Variants in ZPBP observed in about 807,000 individuals in gnomAD.
ZPBP encodes zona pellucida-binding protein 1.
Under a neutral mutation model 44.8 loss-of-function variants are expected in ZPBP, and 26 were observed. That is an observed-to-expected ratio of 0.58 (90% CI 0.43 to 0.81). ZPBP has a LOEUF of 0.81. ZPBP is among the 30% of genes least tolerant of loss of function. The probability of loss-of-function intolerance (pLI) is 0.00; values close to 1 mark genes in which losing one functional copy is unlikely to be tolerated. For missense variants in ZPBP, 409 were observed against 434.0 expected, an observed-to-expected ratio of 0.94 and a Z score of 0.51; for synonymous variants, 174 against 153.2, an observed-to-expected ratio of 1.14 and a Z score of -1.00.
At chr7:49,979,757 A>C (rs1334582347) in intron 7 of ZPBP, among the ~76,000 whole-genome samples, 3 of 142,428 alleles carry the variant, frequency 2.1e-5, no homozygotes, top group Non-Finnish European at 4.5e-5. Flanking sequence ...CTTAACTACT[A>C]TGTTCCAGTT....
At chr7:49,987,508 A>G (rs1797348099) in intron 6 of ZPBP, among the ~76,000 whole-genome samples, 2 of 152,148 alleles carry the variant, frequency 1.3e-5, no homozygotes, top group South Asian at 2.1e-4. Flanking sequence ...AAGGAGTCCT[A>G]GGAATTAGAG....
intron 4 of ZPBP, among the ~76,000 whole-genome samples, chr7:50,054,205 A>G (rs933338896): frequency 3.3e-5 from 5 of 152,184 alleles, no homozygotes; most frequent in African/African-American, 1.2e-4. Flanking sequence ...TAGAAAACAA[A>G]ACAAAACAAA....
At chr7:50,011,866 G>A (rs990903369) in intron 6 of ZPBP, among the ~76,000 whole-genome samples, 3 of 151,704 alleles carry the variant, frequency 2.0e-5, no homozygotes, top group South Asian at 2.1e-4. Flanking sequence ...CCTGACCAAC[G>A]TGGTAAAACC....
At chr7:49,951,385 C>A (rs1017609188) in intron 7 of ZPBP, among the ~76,000 whole-genome samples, 2 of 151,490 alleles carry the variant, frequency 1.3e-5, no homozygotes, top group Non-Finnish European at 3.0e-5. Flanking sequence ...CAAGTAGAAA[C>A]ACTGGCAGAG....
intron 7 of ZPBP, among the ~76,000 whole-genome samples, chr7:49,983,011 T>C (rs1275793470): frequency 6.6e-6 from 1 of 152,018 alleles, no homozygotes; most frequent in Non-Finnish European, 1.5e-5. Flanking sequence ...AAACCTAAAC[T>C]CATCAATAGT....
intron 2 of ZPBP, among the ~76,000 whole-genome samples, chr7:49,852,087 A>G (rs1037883506): frequency 2.0e-5 from 3 of 152,252 alleles, no homozygotes; most frequent in Non-Finnish European, 2.9e-5. Flanking sequence ...GGAGCCCGAC[A>G]GAGGCCAGCA....
At chr7:50,056,634 T>A (rs778971466) in intron 4 of ZPBP, among the ~76,000 whole-genome samples, 8 of 152,192 alleles carry the variant, frequency 5.3e-5, no homozygotes, top group Non-Finnish European at 1.2e-4. Context: ...ACTAGCAACT[T>A]GAGTTCAGGC....
At chr7:49,904,852 C>T (rs1366414136) in intron 1 of ZPBP, among the ~76,000 whole-genome samples, 2 of 151,150 alleles carry the variant, frequency 1.3e-5, no homozygotes, top group Non-Finnish European at 2.9e-5. Context: ...TCTCCTGCCT[C>T]AGCCTCCCAA....
chr7:49,899,969 C>T (rs1316945204), intron 2 of ZPBP, among the ~76,000 whole-genome samples: 1 of 151,782 alleles, frequency 6.6e-6, no homozygotes, highest in Non-Finnish European at 1.5e-5. Flanking sequence ...CATACAATAG[C>T]TGCTCTCAGA....
intron 1 of ZPBP, 115 bp downstream of exon 1, chr7:50,092,945 CGTATTAGT>C: frequency 7.3e-7 from 1 of 1,369,132 alleles, no homozygotes; most frequent in African/African-American, 1.5e-5. Flanking sequence ...TTTCTTGTCA[CGTATTAGT>C]GAGCAAGGTG....
chr7:49,938,221 T>C (rs1484689782), intron 7 of ZPBP, among the ~76,000 whole-genome samples: 1 of 151,994 alleles, frequency 6.6e-6, no homozygotes, highest in East Asian at 1.9e-4. Context: ...CTGTGTATTT[T>C]AGGTGGAAAG....
At chr7:50,052,394 A>G (rs1013098266) in intron 4 of ZPBP, among the ~76,000 whole-genome samples, 1 of 152,194 alleles carries the variant, frequency 6.6e-6, no homozygotes, top group Non-Finnish European at 1.5e-5. Flanking sequence ...TTAAAACCAC[A>G]ATGAAATATT....
intron 7 of ZPBP, among the ~76,000 whole-genome samples, chr7:49,957,399 T>G (rs141489757): frequency 3.9e-5 from 6 of 152,084 alleles, no homozygotes; most frequent in African/African-American, 1.4e-4. Flanking sequence ...GAAGGAAATA[T>G]GTGAAAAGAG....
chr7:49,938,558 TCA>T (rs1794714034), intron 7 of ZPBP, among the ~76,000 whole-genome samples: 1 of 152,112 alleles, frequency 6.6e-6, no homozygotes, highest in Non-Finnish European at 1.5e-5. Context: ...TATTAAAAAA[TCA>T]CACAGTGTAT....
At chr7:49,930,075 T>C (rs1794394315) in intron 1 of ZPBP, among the ~76,000 whole-genome samples, 1 of 152,220 alleles carries the variant, frequency 6.6e-6, no homozygotes, top group African/African-American at 2.4e-5. Context: ...TTTTTCATTT[T>C]TATGTTTCTT....
intron 1 of ZPBP, among the ~76,000 whole-genome samples, chr7:49,925,673 C>T (rs1332119938): frequency 6.6e-6 from 1 of 152,222 alleles, no homozygotes; most frequent in African/African-American, 2.4e-5. Flanking sequence ...CACTCATGTC[C>T]ATACATCCAT....
At position 49,921,892 on chromosome 7, in the gene ZPBP, A is replaced by G. The variant is rs540300673; in HGVS notation, n.411+13859T>C. On this transcript the variant is annotated intron_variant and non_coding_transcript_variant, in intron 1 of 2. Transcript: ENST00000465922. ...AAATAATTAGGCCGAATTTGTATGT[A>G]TTGTTGGATGGGTATGTGTATTGAC... 25 of 152,224 alleles carry G rather than the reference A, an allele frequency of 1.6e-4. 1 individual carries two copies. The South Asian group carries it at 3.7e-3, about 23-fold the overall frequency. 9.4% of individuals were successfully genotyped at this position (152,224 alleles called of 1,614,324 possible).
At chr7:49,960,217 C>T (rs1263066138) in intron 7 of ZPBP, among the ~76,000 whole-genome samples, 2 of 151,872 alleles carry the variant, frequency 1.3e-5, no homozygotes, top group African/African-American at 4.8e-5. Context: ...GTCAGGAGTT[C>T]GACACTAGCC....
chr7:50,043,930 C>A (rs1800216017), intron 4 of ZPBP, among the ~76,000 whole-genome samples: 1 of 152,126 alleles, frequency 6.6e-6, no homozygotes, highest in Non-Finnish European at 1.5e-5. Flanking sequence ...TGTTCCTCAG[C>A]AAATGCAAAA....
Sources: gnomAD v4.1 joint callset for allele counts (sites outside exome capture counted in the v4.1 genomes callset) on GRCh38, gnomAD v4.1.1 for gene constraint, MANE v1.5 for transcripts, NCBI Gene and HGNC (gene_info 2026-07-23, HGNC 2026-07-21) for gene names.